PALLD: variants seen among roughly 807,000 people sequenced by gnomAD.
The protein encoded by PALLD is palladin, cytoskeletal associated protein, also known as palladin.
PALLD carries 61 observed loss-of-function variants against 123.5 expected under a neutral mutation model. That is an observed-to-expected ratio of 0.49 (90% CI 0.40 to 0.61). The LOEUF (loss-of-function observed/expected upper bound fraction) is 0.61. PALLD is among the 20% of genes least tolerant of loss of function. The pLI, the probability that PALLD is intolerant of heterozygous loss-of-function variation, is 0.00. For missense variants in PALLD, 1,273 were observed against 1,377.0 expected, an observed-to-expected ratio of 0.92 and a Z score of 1.20; for synonymous variants, 465 against 496.4, an observed-to-expected ratio of 0.94 and a Z score of 0.84.
intron 2 of PALLD, among the ~76,000 whole-genome samples, chr4:168,656,641 A>G (rs1778603420): frequency 6.6e-6 from 1 of 152,188 alleles, no homozygotes; most frequent in Non-Finnish European, 1.5e-5. Flanking sequence ...ATCAATGGTT[A>G]CCTATTTATT....
chr4:168,775,064 TATTC>T (rs59532312), intron 10 of PALLD, among the ~76,000 whole-genome samples: 53,728 of 151,656 alleles, frequency 0.35, 10,320 homozygotes, highest in East Asian at 0.55. Context: ...TATCACAATT[TATTC>T]ATTCATTCAG....
At chr4:168,705,874 C>A (rs1466109212) in intron 8 of PALLD, among the ~76,000 whole-genome samples, 1 of 152,070 alleles carries the variant, frequency 6.6e-6, no homozygotes, top group African/African-American at 2.4e-5. Flanking sequence ...AACTCCTGAC[C>A]TCAAGTGATC....
intron 2 of PALLD, among the ~76,000 whole-genome samples, chr4:168,628,156 G>A (rs1419829460): frequency 6.6e-6 from 1 of 152,224 alleles, no homozygotes; most frequent in Non-Finnish European, 1.5e-5. Context: ...AATGTCATGT[G>A]TGGACGTTTG....
At chr4:168,899,167 T>G (rs1474260289) in intron 14 of PALLD, among the ~76,000 whole-genome samples, 2 of 152,138 alleles carry the variant, frequency 1.3e-5, no homozygotes, top group African/African-American at 4.8e-5. Context: ...CTTATATTAA[T>G]ATTTACAGAG....
chr4:168,922,411 A>C (rs1031522554), intron 18 of PALLD, among the ~76,000 whole-genome samples: 1 of 152,212 alleles, frequency 6.6e-6, no homozygotes, highest in Non-Finnish European at 1.5e-5. Context: ...AAAGTGCTTC[A>C]TGTACATTAT....
At chr4:168,767,250 A>C (rs1733794232) in intron 10 of PALLD, among the ~76,000 whole-genome samples, 1 of 152,142 alleles carries the variant, frequency 6.6e-6, no homozygotes, top group African/African-American at 2.4e-5. Context: ...TCGTCATCTC[A>C]TGCCACAGAC....
intron 10 of PALLD, among the ~76,000 whole-genome samples, chr4:168,722,951 G>A (rs1168796904): frequency 2.6e-5 from 4 of 152,172 alleles, no homozygotes; most frequent in African/African-American, 9.7e-5. Flanking sequence ...TGAAAATGGG[G>A]AGTGTCAGAT....
intron 12 of PALLD, 77 bp downstream of exon 12, chr4:168,894,754 T>A (rs1050917985): frequency 3.2e-6 from 5 of 1,558,876 alleles, no homozygotes; most frequent in Non-Finnish European, 4.3e-6. Flanking sequence ...GATACTGTTC[T>A]TGGGATGAGT....
chr4:168,753,846 C>G (rs1191397143), intron 10 of PALLD, among the ~76,000 whole-genome samples: 3 of 152,094 alleles, frequency 2.0e-5, no homozygotes, highest in African/African-American at 4.8e-5. Flanking sequence ...TGCAAACTCA[C>G]GAGAGACACA....
chr4:168,724,982 C>G (rs1048858939), intron 10 of PALLD, among the ~76,000 whole-genome samples: 5 of 152,196 alleles, frequency 3.3e-5, no homozygotes, highest in Non-Finnish European at 7.3e-5. Flanking sequence ...CTCTGAAGCC[C>G]TGGGAATGTC....
intron 8 of PALLD, among the ~76,000 whole-genome samples, chr4:168,694,667 G>C (rs1305927865): frequency 1.3e-5 from 2 of 152,190 alleles, no homozygotes; most frequent in African/African-American, 4.8e-5. Context: ...TTTAGATAAA[G>C]AAGGAAATAG....
chr4:168,736,538 C>T (rs931843024), intron 10 of PALLD, among the ~76,000 whole-genome samples: 3 of 152,232 alleles, frequency 2.0e-5, no homozygotes, highest in East Asian at 1.9e-4. Context: ...TTGAACACAA[C>T]GGTGTCTCGG....
intron 2 of PALLD, among the ~76,000 whole-genome samples, chr4:168,619,098 T>C (rs2149791634): frequency 6.6e-6 from 1 of 152,340 alleles, no homozygotes; most frequent in African/African-American, 2.4e-5. Flanking sequence ...GGCACTGAGC[T>C]GTGAATAGGA....
intron 2 of PALLD, among the ~76,000 whole-genome samples, chr4:168,550,496 T>C (rs754074228): frequency 2.0e-5 from 3 of 152,076 alleles, no homozygotes; most frequent in Admixed American, 6.6e-5. Flanking sequence ...AAAAGGGGCA[T>C]TTTTGGCAAA....
At chr4:168,908,156 C>T (rs770872549) in intron 15 of PALLD, among the ~76,000 whole-genome samples, 51 of 152,122 alleles carry the variant, frequency 3.4e-4, no homozygotes, top group Non-Finnish European at 6.9e-4. Flanking sequence ...ATTTTAATTC[C>T]AAGAGTAAAA....
chr4:168,571,206 C>T (rs1238121401), intron 2 of PALLD, among the ~76,000 whole-genome samples: 1 of 152,162 alleles, frequency 6.6e-6, no homozygotes, highest in Non-Finnish European at 1.5e-5. Flanking sequence ...TTTCTTCCCT[C>T]TTTTCCTTCT....
At chr4:168,907,131 A>G (rs1757981312) in intron 15 of PALLD, among the ~76,000 whole-genome samples, 1 of 151,854 alleles carries the variant, frequency 6.6e-6, no homozygotes, top group Non-Finnish European at 1.5e-5. Flanking sequence ...GATAATAATA[A>G]TAATAATAAT....
intron 10 of PALLD, among the ~76,000 whole-genome samples, chr4:168,793,052 G>A (rs550075339): frequency 2.0e-5 from 3 of 151,148 alleles, no homozygotes; most frequent in South Asian, 2.1e-4. Context: ...CAGGAGTGGG[G>A]CGTATTTTTA....
At chr4:168,671,455 G>C (rs1008766132) in intron 3 of PALLD, among the ~76,000 whole-genome samples, 1 of 152,120 alleles carries the variant, frequency 6.6e-6, no homozygotes, top group African/African-American at 2.4e-5. Context: ...TGAGACATCC[G>C]ACACCTTTGG....
Sources: allele counts gnomAD v4.1 joint callset (sites outside exome capture counted in the v4.1 genomes callset), GRCh38; gene constraint gnomAD v4.1.1; transcripts MANE v1.5; gene names NCBI Gene and HGNC (gene_info 2026-07-23, HGNC 2026-07-21).